NPL: variants seen among roughly 807,000 people sequenced by gnomAD.
The protein encoded by NPL is N-acetylneuraminate lyase.
In NPL, 32 loss-of-function variants were observed where a neutral mutation model predicts 41.1. That is an observed-to-expected ratio of 0.78 (90% confidence interval 0.59 to 1.05). The LOEUF is 1.05. Among genes scored for constraint, NPL ranks in the 50% least tolerant of loss-of-function variants. The pLI is 0.00. For synonymous variants in NPL, 128 were observed against 134.9 expected (o/e 0.95, Z 0.35); for missense variants, 321 against 378.4 (o/e 0.85, Z 1.26).
chr1:182,814,728 T>C, intron 6 of NPL, 55 bp from the exon 7 acceptor site: 3 of 1,384,818 alleles, frequency 2.2e-6, no homozygotes, highest in Non-Finnish European at 3.1e-6. Flanking sequence ...ATCTAAGCTA[T>C]AGGTGACTAT....
intron 1 of NPL, among the ~76,000 whole-genome samples, chr1:182,791,586 C>T (rs550661311): frequency 1.5e-4 from 23 of 152,352 alleles, no homozygotes; most frequent in Non-Finnish European, 3.1e-4. Flanking sequence ...CCCTATCCTA[C>T]ACTCCCAACG....
At position 182,794,440 on chromosome 1, in the gene NPL, G is replaced by T. The variant is rs755026414; in HGVS notation, c.68+1G>T. On this transcript the variant is annotated splice_donor_variant, in intron 3 of 12. Coordinates refer to ENST00000367553, the MANE Select transcript of NPL (RefSeq NM_030769.3). LOFTEE classifies it high-confidence loss of function. ...CCATCACGCCAATGACTGAGAATGG[G>T]TAACTATCATTTGGGGCCTTGAGGG... The T allele has an allele frequency of 1.2e-6, 2 of 1,613,970 alleles. No individual in the cohort carries two copies. Among genetic ancestry groups the T allele is most frequent in the Non-Finnish European group, 1.7e-6 (2 of 1,179,946 alleles).
Position 182,829,059 on chromosome 1 carries a change from A to C in NPL, c.*151A>C. On this transcript the variant is annotated 3_prime_UTR_variant, in exon 13 of 13. Coordinates refer to ENST00000367553, the MANE Select transcript of NPL (RefSeq NM_030769.3). ...CATTGAGGTACCTTTTGTGAGCCTT[A>C]AAAAGTCTTATTTTGTGAAGGGGCA... is the stretch of plus-strand genomic sequence containing the variant. The C allele has an allele frequency of 6.8e-7, 1 of 1,471,012 alleles. No homozygotes were observed. The highest frequency in any genetic ancestry group is 8.9e-7 in the Non-Finnish European group (1 of 1,119,272). 91.1% of individuals were successfully genotyped at this position (1,471,012 alleles called of 1,614,324 possible).
At chr1:182,790,082 T>C (rs983748575) in intron 1 of NPL, among the ~76,000 whole-genome samples, 5 of 152,168 alleles carry the variant, frequency 3.3e-5, no homozygotes, top group African/African-American at 9.7e-5. Flanking sequence ...TTCCTCAAAA[T>C]AGAGTTAGCA....
chr1:182,797,674 A>T (rs571448908), intron 3 of NPL, among the ~76,000 whole-genome samples: 41 of 152,306 alleles, frequency 2.7e-4, no homozygotes, highest in Middle Eastern at 6.8e-3. Context: ...CAATTCTCTT[A>T]AAAGGAGTTA....
At chr1:182,815,401 A>G (rs1413214027) in intron 7 of NPL, among the ~76,000 whole-genome samples, 3 of 152,188 alleles carry the variant, frequency 2.0e-5, no homozygotes, top group African/African-American at 7.2e-5. Flanking sequence ...GATTAGCAAA[A>G]AAAGAAGTAT....
chr1:182,801,508 A>G (rs1482919770), intron 3 of NPL, among the ~76,000 whole-genome samples: 1 of 152,186 alleles, frequency 6.6e-6, no homozygotes, highest in Non-Finnish European at 1.5e-5. Context: ...CCAACTCCCT[A>G]AAAAGAGGAT....
chr1:182,825,758 A>G, intron 11 of NPL, 23 bp from the exon 12 acceptor site: 1 of 1,424,012 alleles, frequency 7.0e-7, no homozygotes, highest in South Asian at 1.1e-5. Context: ...AATACTAACT[A>G]TAGATATGTT....
intron 1 of NPL, 23 bp downstream of exon 1, chr1:182,789,828 CGGGCTA>C (rs1275882596): frequency 2.0e-5 from 3 of 152,256 alleles, no homozygotes; most frequent in Non-Finnish European, 4.4e-5. Flanking sequence ...CGCGACGGCA[CGGGCTA>C]GGACAGACGG....
intron 3 of NPL, among the ~76,000 whole-genome samples, chr1:182,797,034 C>CAAAAAA (rs59582125): frequency 1.0e-5 from 1 of 96,016 alleles, no homozygotes; most frequent in African/African-American, 3.6e-5. Context: ...GAATATGTCT[C>CAAAAAA]AAAAAAAAAA....
rs577515715 is a variant in NPL at position 182,800,461 on chromosome 1, C to T, written c.69-3237C>T. On this transcript the variant is annotated intron_variant, in intron 3 of 12. Transcript: ENST00000367553. ...AAAAAAAAAAAAAAAAAAAAAAAAACGGACAGAATCCTCAAGGAGAATTAT... is the reference window on the plus strand; with the variant it reads ...AAAAAAAAAAAAAAAAAAAAAAAAATGGACAGAATCCTCAAGGAGAATTAT... 3.4e-3 allele frequency among the ~76,000 whole-genome samples: 413 copies of T among 120,452 alleles called. 2 individuals are homozygous for T. Among genetic ancestry groups the T allele is most frequent in the African/African-American group, 0.012 (386 of 31,662 alleles). The allele number at this position is 120,452 out of a possible 152,430, so 79.0% of individuals were successfully genotyped here.
At chr1:182,794,533 C>T (rs1327079733) in intron 3 of NPL, 94 bp downstream of exon 3, 17 of 1,238,670 alleles carry the variant, frequency 1.4e-5, no homozygotes, top group Non-Finnish European at 1.9e-5. Flanking sequence ...GACCCTGCAC[C>T]TCTGTAGAAC....
intron 7 of NPL, among the ~76,000 whole-genome samples, chr1:182,816,426 A>G (rs1667332816): frequency 6.6e-6 from 1 of 152,128 alleles, no homozygotes; most frequent in Non-Finnish European, 1.5e-5. Context: ...CTTGTTTTTC[A>G]TGATCATCTC....
chr1:182,825,833 C>G lies in NPL; in HGVS notation c.778+13C>G, dbSNP rs1240976967. The G allele has an allele frequency of 8.8e-6, 14 of 1,595,264 alleles. No homozygotes were observed. In the Admixed American group the frequency reaches 2.0e-4, roughly 23 times the overall value. ...GTTGTCAAACTAGGTAAGTGCCACC[C>G]ATCTTCTGCTTTGTCTGCTGCTGGA... On this transcript the variant is annotated intron_variant, in intron 12 of 12. Coordinates refer to ENST00000367553, the MANE Select transcript of NPL (RefSeq NM_030769.3).
intron 7 of NPL, among the ~76,000 whole-genome samples, 162 bp from the exon 8 acceptor site, chr1:182,816,552 T>A (rs981774826): frequency 6.6e-6 from 1 of 152,198 alleles, no homozygotes; most frequent in Middle Eastern, 3.2e-3. Context: ...GGAAGTGAGT[T>A]GCAAAAACAT....
intron 5 of NPL, 189 bp downstream of exon 5, chr1:182,806,421 G>C: frequency 6.5e-7 from 1 of 1,538,628 alleles, no homozygotes. Context: ...CTGTGCAGAA[G>C]GGCAGCCAAA....
chr1:182,825,769 G>T lies in NPL; in HGVS notation c.739-12G>T, dbSNP rs754538724. On this transcript the variant is annotated splice_polypyrimidine_tract_variant and intron_variant, in intron 11 of 12. Coordinates refer to ENST00000367553, the MANE Select transcript of NPL (RefSeq NM_030769.3). ...CAATAATACTAACTATAGATATGTT[G>T]TTCTTTTCTAGTTTTGTATCCAGAG... 1 of 1,505,736 alleles carries T rather than the reference G, an allele frequency of 6.6e-7. No individual in the cohort carries two copies. The highest frequency in any genetic ancestry group is 2.3e-5 in the East Asian group (1 of 44,314). 93.3% of individuals were successfully genotyped at this position (1,505,736 alleles called of 1,614,324 possible).
At chr1:182,819,093 G>A (rs187527788) in intron 10 of NPL, among the ~76,000 whole-genome samples, 57 of 152,330 alleles carry the variant, frequency 3.7e-4, no homozygotes, top group African/African-American at 1.2e-3. Flanking sequence ...GCCAAGGTGG[G>A]CAGATCACTT....
At chr1:182,808,875 C>T (rs1667096634) in intron 5 of NPL, among the ~76,000 whole-genome samples, 1 of 150,562 alleles carries the variant, frequency 6.6e-6, no homozygotes. Context: ...AGGAGGATCA[C>T]TTGAGCCCGG....
Sources: allele counts gnomAD v4.1 joint callset (sites outside exome capture counted in the v4.1 genomes callset), GRCh38; gene constraint gnomAD v4.1.1; transcripts MANE v1.5; gene names NCBI Gene and HGNC (gene_info 2026-07-23, HGNC 2026-07-21).